Variants in SNX3 observed in about 807,000 individuals in gnomAD.
The protein encoded by SNX3 is sorting nexin-3.
In SNX3, 5 loss-of-function variants were observed where a neutral mutation model predicts 17.7. That is an observed-to-expected ratio of 0.28 (90% CI 0.15 to 0.59). The LOEUF is 0.59. Ranked by LOEUF, SNX3 falls within the 20% of genes least tolerant of loss-of-function variation. The pLI is 0.88. For synonymous variants in SNX3, 91 were observed against 76.5 expected (o/e 1.19, Z -0.99); for missense variants, 132 against 206.8 (o/e 0.64, Z 2.22).
At chr6:108,249,641 G>A (rs1405705963) in intron 1 of SNX3, among the ~76,000 whole-genome samples, 1 of 151,996 alleles carries the variant, frequency 6.6e-6, no homozygotes, top group Admixed American at 6.6e-5. Flanking sequence ...TACATAAAAG[G>A]TTTCGAGTGA....
At chr6:108,259,570 T>C (rs779854054) in intron 1 of SNX3, among the ~76,000 whole-genome samples, 13 of 152,196 alleles carry the variant, frequency 8.5e-5, no homozygotes, top group Non-Finnish European at 1.5e-5. Flanking sequence ...AAGACAACAG[T>C]GGCTTGAAAC....
intron 1 of SNX3, among the ~76,000 whole-genome samples, chr6:108,244,714 C>T (rs921051884): frequency 7.4e-6 from 1 of 135,260 alleles, no homozygotes; most frequent in Non-Finnish European, 1.5e-5. Context: ...ATGATCTCAG[C>T]TCACTGCAAC....
At chr6:108,249,420 C>CA (rs1476923461) in intron 1 of SNX3, among the ~76,000 whole-genome samples, 1 of 151,392 alleles carries the variant, frequency 6.6e-6, no homozygotes, top group Non-Finnish European at 1.5e-5. Context: ...GACTCTGTCT[C>CA]AAAAAAAGAA....
chr6:108,219,496 T>C (rs1373519555), intron 2 of SNX3, among the ~76,000 whole-genome samples: 1 of 152,146 alleles, frequency 6.6e-6, no homozygotes, highest in East Asian at 1.9e-4. Flanking sequence ...TAGTCCCAGC[T>C]ACTTGGGAGG....
Position 108,215,814 on chromosome 6 carries a change from C to T in SNX3, c.259-1192G>A, listed in dbSNP as rs574055795. 7.2e-4 allele frequency among the ~76,000 whole-genome samples: 109 copies of T among 152,140 alleles called. 1 individual carries two copies. Among genetic ancestry groups the T allele is most frequent in the African/African-American group, 2.6e-3 (108 of 41,516 alleles). ...GGGTGTGGTGGTGTGAGCCTGTAGT[C>T]CCAGCTACTTAGGAGGCGGAAGTGG... On this transcript the variant is annotated intron_variant, in intron 2 of 3. Transcript: ENST00000230085.
chr6:108,227,370 ATAAAGT>A (rs955701628), intron 1 of SNX3, among the ~76,000 whole-genome samples: 7 of 152,210 alleles, frequency 4.6e-5, no homozygotes, highest in Admixed American at 2.6e-4. Context: ...ACGGAAGTCT[ATAAAGT>A]TAATCTCTGA....
chr6:108,256,438 T>C (rs1382237995), intron 1 of SNX3, among the ~76,000 whole-genome samples: 2 of 152,216 alleles, frequency 1.3e-5, no homozygotes, highest in Non-Finnish European at 2.9e-5. Flanking sequence ...ATGTCTATCT[T>C]TAGAAAGAGC....
intron 1 of SNX3, among the ~76,000 whole-genome samples, chr6:108,243,207 G>C (rs1023410866): frequency 1.3e-5 from 2 of 152,128 alleles, no homozygotes; most frequent in Non-Finnish European, 2.9e-5. Context: ...CTGGGCTAAA[G>C]TGATTCTCCT....
At chr6:108,235,453 T>C (rs1056832449) in intron 1 of SNX3, among the ~76,000 whole-genome samples, 4 of 152,242 alleles carry the variant, frequency 2.6e-5, no homozygotes, top group African/African-American at 9.6e-5. Flanking sequence ...GAATGTTTAA[T>C]TGTAACTGTT....
intron 2 of SNX3, among the ~76,000 whole-genome samples, chr6:108,215,178 T>C (rs1774529389): frequency 6.7e-6 from 1 of 150,246 alleles, no homozygotes; most frequent in Admixed American, 6.6e-5. Flanking sequence ...TGAAACCCTG[T>C]CTCTACTAAA....
At position 108,260,744 on chromosome 6, in the gene SNX3, G is replaced by A. The variant is rs1039037560; in HGVS notation, c.162+16C>T. 3.1e-6 allele frequency: 5 copies of A among 1,613,426 alleles called. No individual in the cohort carries two copies. The highest frequency in any genetic ancestry group is 2.2e-5 in the South Asian group (2 of 91,082). ...AGCGGGAGGGGTTTCTTGGGAGAGG[G>A]GAGAGACGGCCTCACCTTGACCCTG... is the stretch of plus-strand genomic sequence containing the variant. On this transcript the variant is annotated intron_variant, in intron 1 of 3. Transcript: ENST00000230085.
At chr6:108,214,200 AATC>A (rs1774496019) in intron 3 of SNX3, among the ~76,000 whole-genome samples, 2 of 152,230 alleles carry the variant, frequency 1.3e-5, no homozygotes, top group African/African-American at 2.4e-5. Context: ...AATCAGAAAG[AATC>A]ATAAGTAAAA....
At chr6:108,260,599 T>C (rs1776161307) in intron 1 of SNX3, among the ~76,000 whole-genome samples, 161 bp downstream of exon 1, 1 of 152,032 alleles carries the variant, frequency 6.6e-6, no homozygotes, top group African/African-American at 2.4e-5. Context: ...ACACCAGCCC[T>C]ACAGGAAGAG....
intron 2 of SNX3, among the ~76,000 whole-genome samples, chr6:108,220,744 G>A (rs1357275695): frequency 3.3e-5 from 5 of 152,114 alleles, no homozygotes; most frequent in Admixed American, 1.3e-4. Context: ...TTGGGAGGCC[G>A]AGGAGGGCGG....
Position 108,260,937 on chromosome 6 carries a change from G to GCCGCCGCCGCGGGCTCCCT in SNX3, c.-35_-17dup. 1 of 1,549,254 alleles carries GCCGCCGCCGCGGGCTCCCT rather than the reference G, an allele frequency of 6.5e-7. No homozygotes were observed. Among genetic ancestry groups the GCCGCCGCCGCGGGCTCCCT allele is most frequent in the Non-Finnish European group, 8.7e-7 (1 of 1,149,366 alleles). On this transcript the variant is annotated 5_prime_UTR_variant, in exon 1 of 4. Coordinates refer to ENST00000230085, the MANE Select transcript of SNX3 (RefSeq NM_003795.6). ...TCTCCGCCATTTCGCTGTAGCTGCT[G>GCCGCCGCCGCGGGCTCCCT]CCGCCGCCGCGGGCTCCCTCCGCCC...
At chr6:108,231,431 T>C (rs961923792) in intron 1 of SNX3, among the ~76,000 whole-genome samples, 5 of 152,050 alleles carry the variant, frequency 3.3e-5, no homozygotes, top group African/African-American at 4.8e-5. Context: ...AGTCGCCCCC[T>C]GTCTTGTTGT....
At chr6:108,219,408 C>A (rs1209643780) in intron 2 of SNX3, among the ~76,000 whole-genome samples, 1 of 151,984 alleles carries the variant, frequency 6.6e-6, no homozygotes, top group Non-Finnish European at 1.5e-5. Context: ...GAATTCAAGA[C>A]CAGCCTGGGC....
chr6:108,251,898 C>A (rs1000533670), intron 1 of SNX3, among the ~76,000 whole-genome samples: 2 of 151,666 alleles, frequency 1.3e-5, no homozygotes, highest in Non-Finnish European at 2.9e-5. Context: ...CCCATCTTTA[C>A]TAAAAATACA....
At chr6:108,239,764 G>T (rs1009136452) in intron 1 of SNX3, among the ~76,000 whole-genome samples, 1 of 152,102 alleles carries the variant, frequency 6.6e-6, no homozygotes, top group African/African-American at 2.4e-5. Context: ...TTGACCCAAA[G>T]CAGATATTAA....
Sources: gnomAD v4.1 joint callset for allele counts (sites outside exome capture counted in the v4.1 genomes callset) on GRCh38, gnomAD v4.1.1 for gene constraint, MANE v1.5 for transcripts, NCBI Gene and HGNC (gene_info 2026-07-23, HGNC 2026-07-21) for gene names.